IGSF10: variants seen among roughly 807,000 people sequenced by gnomAD.
The protein encoded by IGSF10 is calvaria mechanical force protein 608.
In IGSF10, 126 loss-of-function variants were observed where a neutral mutation model predicts 128.2. The observed-to-expected ratio is 0.98, with a 90% CI of 0.85 to 1.14. IGSF10 has a LOEUF of 1.14. Ranked by LOEUF, IGSF10 falls within the 50% of genes most tolerant of loss-of-function variation. The pLI, the probability that IGSF10 is intolerant of heterozygous loss-of-function variation, is 0.00. For synonymous variants in IGSF10, 1,185 were observed against 1,146.2 expected, an observed-to-expected ratio of 1.03 and a Z score of -0.68; for missense variants, 3,295 against 3,149.8, an observed-to-expected ratio of 1.05 and a Z score of -1.10.
chr3:151,434,724 T>G (rs923751292), downstream of IGSF10: 12 of 152,226 alleles, frequency 7.9e-5, no homozygotes. Flanking sequence ...TTTCCAAATT[T>G]CTTTGCCAGT....
At chr3:151,532,098 G>C in the IGSF10 span, among the ~76,000 whole-genome samples, 1 of 152,040 alleles carries the variant, frequency 6.6e-6, no homozygotes, top group African/African-American at 2.4e-5. Flanking sequence ...CAAATTCCTG[G>C]ACACATACAC....
chr3:151,574,060 C>T, the IGSF10 span, among the ~76,000 whole-genome samples: 4 of 152,194 alleles, frequency 2.6e-5, no homozygotes, highest in East Asian at 1.9e-4. Context: ...TCTCTTCTGG[C>T]GTGTAGAGTT....
chr3:151,443,707 A>T lies in IGSF10; in HGVS notation c.5240T>A (p.Ile1747Asn), dbSNP rs2108543938. The T allele has an allele frequency of 3.1e-6, 5 of 1,614,160 alleles. No individual in the cohort carries two copies. Among genetic ancestry groups the T allele is most frequent in the Non-Finnish European group, 4.2e-6 (5 of 1,180,024 alleles). Reference protein sequence around the residue: ...TLSVVSYPPRILERRTKEITV... With the variant: ...TLSVVSYPPRNLERRTKEITV... ...GATCTCTTTGGTACGTCTCTCCAGG[A>T]TCCTGGGAGGATAGGAAACCACAGA... The change falls in exon 7 of 8, where the codon ATC (isoleucine) becomes AAC (asparagine). Residue 1747 changes from isoleucine to asparagine, a missense_variant. Ile to Asn is a moderately radical substitution (Grantham distance 149). Coordinates refer to ENST00000282466, the MANE Select transcript of IGSF10 (RefSeq NM_178822.5).
the IGSF10 span, among the ~76,000 whole-genome samples, chr3:151,525,284 C>T: frequency 6.6e-6 from 1 of 152,026 alleles, no homozygotes; most frequent in Non-Finnish European, 1.5e-5. Context: ...ACAATTAAGG[C>T]TATATTACAG....
At chr3:151,612,804 T>C in the IGSF10 span, among the ~76,000 whole-genome samples, 2 of 152,130 alleles carry the variant, frequency 1.3e-5, no homozygotes, top group African/African-American at 4.8e-5. Flanking sequence ...AAAGGACAGA[T>C]ACTTTTGAAA....
At chr3:151,559,836 TTTACATGGGTTC>T in the IGSF10 span, among the ~76,000 whole-genome samples, 1 of 152,120 alleles carries the variant, frequency 6.6e-6, no homozygotes, top group Admixed American at 6.6e-5. Context: ...AGAAAAAGAC[TTTACATGGGTTC>T]TTAGGGGGTG....
the IGSF10 span, among the ~76,000 whole-genome samples, chr3:151,591,769 T>C: frequency 1.6e-4 from 24 of 152,144 alleles, no homozygotes; most frequent in African/African-American, 5.5e-4. Context: ...AGATTGGCTA[T>C]GAAGTCCTGG....
At chr3:151,544,691 CTT>C in the IGSF10 span, among the ~76,000 whole-genome samples, 18 of 138,518 alleles carry the variant, frequency 1.3e-4, no homozygotes, top group Admixed American at 2.9e-4. Flanking sequence ...GATTTTCTCT[CTT>C]TTTTTTTTTT....
the IGSF10 span, among the ~76,000 whole-genome samples, chr3:151,563,551 T>A: frequency 2.0e-5 from 3 of 152,150 alleles, no homozygotes; most frequent in South Asian, 2.1e-4. Flanking sequence ...TACTCAATTG[T>A]CCCTGACAAC....
chr3:151,560,052 C>T, the IGSF10 span, among the ~76,000 whole-genome samples: 27 of 152,036 alleles, frequency 1.8e-4, no homozygotes, highest in African/African-American at 6.5e-4. Context: ...CAGGGAAAAC[C>T]CCAACATATG....
At chr3:151,617,251 C>G in the IGSF10 span, among the ~76,000 whole-genome samples, 2 of 133,650 alleles carry the variant, frequency 1.5e-5, no homozygotes, top group Non-Finnish European at 3.1e-5. Context: ...TCCTCCTCTT[C>G]TTCTCCTTCT....
At position 151,453,377 on chromosome 3, in the gene IGSF10, T is replaced by C. The variant is rs768662884; in HGVS notation, c.715+7A>G. 2.1e-5 allele frequency: 33 copies of C among 1,567,828 alleles called. No individual in the cohort carries two copies. The highest frequency in any genetic ancestry group is 8.2e-5 in the Admixed American group (4 of 48,916). On this transcript the variant is annotated splice_region_variant and intron_variant, in intron 5 of 7. Transcript: ENST00000282466. ...AATTGGGACAAAAAAATAAACAATA[T>C]AGATACCTGGCTTCTCCTGTATCCA...
chr3:151,460,642 C>T (rs993571510), intron 1 of IGSF10, among the ~76,000 whole-genome samples: 4 of 152,204 alleles, frequency 2.6e-5, no homozygotes, highest in Admixed American at 6.5e-5. Flanking sequence ...CCATTTTGCT[C>T]CAAAGTCCCA....
upstream of IGSF10, among the ~76,000 whole-genome samples, chr3:151,463,768 C>T (rs1722176903): frequency 6.6e-6 from 1 of 151,860 alleles, no homozygotes; most frequent in Non-Finnish European, 1.5e-5. Flanking sequence ...GGAGGATCAC[C>T]TGAGGTCAGG....
At chr3:151,546,222 C>T in the IGSF10 span, among the ~76,000 whole-genome samples, 1 of 152,070 alleles carries the variant, frequency 6.6e-6, no homozygotes, top group Non-Finnish European at 1.5e-5. Flanking sequence ...GTGATATTAG[C>T]ATGCAGCGAG....
chr3:151,497,257 A>G, the IGSF10 span, among the ~76,000 whole-genome samples: 2 of 152,182 alleles, frequency 1.3e-5, no homozygotes, highest in South Asian at 4.1e-4. Flanking sequence ...GCCCATGCCT[A>G]TGTCCTGAAT....
At chr3:151,432,944 A>C (rs1719699910), downstream of IGSF10, 6 of 440,870 alleles carry the variant, frequency 1.4e-5, no homozygotes, top group Admixed American at 9.1e-5. Context: ...CATCTCACAA[A>C]AAAAAAAAAA....
the IGSF10 span, among the ~76,000 whole-genome samples, chr3:151,503,458 ATATACT>A: frequency 1.3e-5 from 2 of 152,182 alleles, no homozygotes; most frequent in African/African-American, 4.8e-5. Flanking sequence ...TAGAAGTAAA[ATATACT>A]TATATACAAT....
At chr3:151,519,134 A>C in the IGSF10 span, among the ~76,000 whole-genome samples, 2 of 151,920 alleles carry the variant, frequency 1.3e-5, no homozygotes, top group Non-Finnish European at 2.9e-5. Flanking sequence ...ATAATATTGT[A>C]AAACAACCAA....
Sources: gnomAD v4.1 joint callset for allele counts (sites outside exome capture counted in the v4.1 genomes callset) on GRCh38, gnomAD v4.1.1 for gene constraint, MANE v1.5 for transcripts, NCBI Gene and HGNC (gene_info 2026-07-23, HGNC 2026-07-21) for gene names.